The following MGAT1 variants were observed in gnomAD, a reference collection of about 807,000 sequenced individuals.
MGAT1 encodes the protein alpha-1,3-mannosyl-glycoprotein 2-beta-N-acetylglucosaminyltransferase.
MGAT1 carries 14 observed loss-of-function variants against 31.7 expected under a neutral mutation model. The ratio of observed to expected loss-of-function variants is 0.44; its 90% CI spans 0.29 to 0.69. MGAT1 has a LOEUF of 0.69. Ranked by LOEUF, MGAT1 falls within the 30% of genes least tolerant of loss-of-function variation. The probability of loss-of-function intolerance (pLI) is 0.12; values close to 1 mark genes in which losing one functional copy is unlikely to be tolerated. For missense variants in MGAT1, 557 were observed against 626.0 expected, an observed-to-expected ratio of 0.89 and a Z score of 1.18; for synonymous variants, 338 against 276.0, an observed-to-expected ratio of 1.22 and a Z score of -2.23.
chr5:180,798,165 C>T (rs1324680097), intron 1 of MGAT1, among the ~76,000 whole-genome samples: 1 of 152,144 alleles, frequency 6.6e-6, no homozygotes, highest in Non-Finnish European at 1.5e-5. Flanking sequence ...CTGTGAAGAT[C>T]GGATGAGATG....
upstream of MGAT1, among the ~76,000 whole-genome samples, chr5:180,804,862 G>A (rs905061718): frequency 2.0e-5 from 3 of 152,224 alleles, no homozygotes; most frequent in African/African-American, 2.4e-5. Context: ...GCGGCTGTTC[G>A]TGCACTGTAA....
intron 1 of MGAT1, among the ~76,000 whole-genome samples, chr5:180,799,445 G>A (rs1295844419): frequency 6.6e-6 from 1 of 152,114 alleles, no homozygotes; most frequent in Non-Finnish European, 1.5e-5. Flanking sequence ...ATCACAGACA[G>A]AGCCAGGCCT....
At chr5:180,811,340 T>A (rs1249524724) in intron 1 of MGAT1, 1 of 152,200 alleles carries the variant, frequency 6.6e-6, no homozygotes, top group African/African-American at 2.4e-5. Context: ...ACGATATAAT[T>A]TTTGGAATTT....
Position 180,791,657 on chromosome 5 carries a change from C to T in MGAT1, c.1315G>A (p.Gly439Ser). ...TGCTAATTCCAGCTAGGATCATAGC[C>T]CTCCCACGTCAGTGGGGGCGCCAGG... is the stretch of plus-strand genomic sequence containing the variant. ...VHLAPPLTWE[G>S]YDPSWN Residue 439 changes from glycine to serine, a missense_variant, in exon 2 of 2, where the codon GGC (glycine) becomes AGC (serine). Gly to Ser is a moderately conservative substitution (Grantham distance 56). Coordinates refer to ENST00000307826, the MANE Select transcript of MGAT1 (RefSeq NM_002406.4). 5 of 1,613,702 alleles carry T rather than the reference C, an allele frequency of 3.1e-6. No individual in the cohort carries two copies. The South Asian group carries it at 4.4e-5, about 14-fold the overall frequency.
chr5:180,812,539 A>AT (rs61117488), intron 1 of MGAT1, among the ~76,000 whole-genome samples: 27,423 of 151,974 alleles, frequency 0.18, 2,900 homozygotes, highest in African/African-American at 0.3. Context: ...ATCTTTCCAA[A>AT]TATTTTTTAT....
chr5:180,804,585 CTA>C (rs1561870633), upstream of MGAT1, among the ~76,000 whole-genome samples: 1 of 152,246 alleles, frequency 6.6e-6, no homozygotes, highest in African/African-American at 2.4e-5. Context: ...CACCTCTGCC[CTA>C]TGTTTGCCTA....
chr5:180,795,097 G>C (rs1769045973), intron 1 of MGAT1, among the ~76,000 whole-genome samples: 1 of 152,136 alleles, frequency 6.6e-6, no homozygotes, highest in Non-Finnish European at 1.5e-5. Flanking sequence ...CATACACTGT[G>C]ATTCCATTGA....
At chr5:180,797,405 C>CA (rs1769635600) in intron 1 of MGAT1, among the ~76,000 whole-genome samples, 1 of 78,042 alleles carries the variant, frequency 1.3e-5, no homozygotes, top group Non-Finnish European at 2.3e-5. Flanking sequence ...CCATCCCCCA[C>CA]CAAAAAAAAA....
At chr5:180,803,322 T>G (rs1291608709), upstream of MGAT1, 1 of 152,610 alleles carries the variant, frequency 6.6e-6, no homozygotes, top group Admixed American at 6.5e-5. Flanking sequence ...CGGGGCCAGC[T>G]GTGGCTTCTT....
intron 1 of MGAT1, among the ~76,000 whole-genome samples, chr5:180,796,606 AGTTTT>A (rs1769434242): frequency 6.6e-6 from 1 of 151,912 alleles, no homozygotes; most frequent in East Asian, 1.9e-4. Context: ...AAAGAGTTTC[AGTTTT>A]TTTTCTTTTT....
At chr5:180,793,181 A>ATGGGGGC (rs1768613272) in intron 1 of MGAT1, 84 bp from the exon 2 acceptor site, 1 of 634,432 alleles carries the variant, frequency 1.6e-6, no homozygotes, top group South Asian at 2.0e-5. Flanking sequence ...GGGGCAGGAA[A>ATGGGGGC]AGGCCAAGAG....
In MGAT1 at chr5:180,791,904, T is replaced by C. The variant is rs1210403406; in HGVS notation, c.1068A>G (p.Arg356=). Residue 356 remains arginine (R), a synonymous_variant, in exon 2 of 2, where the codon CGA becomes CGG. Transcript: ENST00000307826. ...LSYLQREAYD[R]DFLARVYGAP... is the part of the protein sequence containing the mutation. ...CACCGTAGACGCGGGCGAGGAAATC[T>C]CGGTCATAGGCCTCCCGCTGCAGGT... 1 of 1,614,166 alleles carries C rather than the reference T, an allele frequency of 6.2e-7. No individual in the cohort carries two copies. Among genetic ancestry groups the C allele is most frequent in the Admixed American group, 1.7e-5 (1 of 60,028 alleles).
chr5:180,802,186 G>A (rs1770921492), intron 1 of MGAT1, among the ~76,000 whole-genome samples: 1 of 152,140 alleles, frequency 6.6e-6, no homozygotes, highest in African/African-American at 2.4e-5. Flanking sequence ...ACGTCCCGGG[G>A]CTCTCTACTC....
At chr5:180,799,237 C>T (rs1770164530) in intron 1 of MGAT1, among the ~76,000 whole-genome samples, 1 of 152,160 alleles carries the variant, frequency 6.6e-6, no homozygotes, top group Non-Finnish European at 1.5e-5. Flanking sequence ...CATCCCTTTT[C>T]AACCTTACCT....
rs1171676505 is a variant in MGAT1 at position 180,788,042 on chromosome 5, AGC to A, written c.*3590_*3591del. On this transcript the variant is annotated 3_prime_UTR_variant, in exon 2 of 2. Coordinates refer to ENST00000307826, the MANE Select transcript of MGAT1 (RefSeq NM_002406.4). Reference sequence around the variant, plus strand: ...GAAGCAGGAATGCAGCAGCAGCAGCAGCCAGGCGCAAGGCAGCTCTGTAAACC... The same window carrying A: ...GAAGCAGGAATGCAGCAGCAGCAGCACAGGCGCAAGGCAGCTCTGTAAACC... The A allele has an allele frequency of 6.5e-6, 1 of 154,588 alleles. No individual in the cohort carries two copies. The highest frequency in any genetic ancestry group is 2.4e-5 in the African/African-American group (1 of 40,900). The allele number at this position is 154,588 out of a possible 1,614,324, so 9.6% of individuals were successfully genotyped here. A position where few individuals can be genotyped will look rare whatever the true frequency, so the allele number is the denominator to read the frequency against.
At chr5:180,802,275 C>T (rs1264571804) in intron 1 of MGAT1, among the ~76,000 whole-genome samples, 1 of 152,194 alleles carries the variant, frequency 6.6e-6, no homozygotes, top group African/African-American at 2.4e-5. Context: ...TCAACATTTC[C>T]TTTCTGCTGA....
chr5:180,802,839 C>A (rs1264648012), upstream of MGAT1: 1 of 150,484 alleles, frequency 6.6e-6, no homozygotes, highest in Non-Finnish European at 1.5e-5. Context: ...GGGCGGGCAA[C>A]GTGGCCCTTC....
chr5:180,795,774 C>T (rs1403630444), intron 1 of MGAT1: 1 of 152,172 alleles, frequency 6.6e-6, no homozygotes, highest in African/African-American at 2.4e-5. Context: ...AGCGTAATCC[C>T]AGCTGGCACA....
intron 1 of MGAT1, among the ~76,000 whole-genome samples, chr5:180,814,414 T>C (rs645845): frequency 0.19 from 28,450 of 152,184 alleles, 3,225 homozygotes; most frequent in African/African-American, 0.32. Context: ...GCACGCTCTC[T>C]GGGGTTCCCC....
Sources: allele counts gnomAD v4.1 joint callset (sites outside exome capture counted in the v4.1 genomes callset), GRCh38; gene constraint gnomAD v4.1.1; transcripts MANE v1.5; gene names NCBI Gene and HGNC (gene_info 2026-07-23, HGNC 2026-07-21).